PDLIM2: variants seen among roughly 807,000 people sequenced by gnomAD.
PDLIM2 encodes PDZ and LIM domain 2.
A neutral mutation model predicts 54.1 loss-of-function variants in PDLIM2; 51 were observed. That is an observed-to-expected ratio of 0.94 (90% CI 0.75 to 1.19). PDLIM2 has a LOEUF of 1.19. PDLIM2 is among the 50% of genes most tolerant of loss of function. The pLI is 0.00. For missense variants in PDLIM2, 912 were observed against 874.0 expected, an observed-to-expected ratio of 1.04 and a Z score of -0.55; for synonymous variants, 398 against 385.6, an observed-to-expected ratio of 1.03 and a Z score of -0.38.
At chr8:22,588,358 T>C (rs1800437709) in intron 6 of PDLIM2, 1 of 152,296 alleles carries the variant, frequency 6.6e-6, no homozygotes. Flanking sequence ...GGCTTCATAA[T>C]TCATCCATGA....
chr8:22,594,665 T>G, downstream of PDLIM2: 2 of 1,603,576 alleles, frequency 1.2e-6, no homozygotes, highest in South Asian at 2.2e-5. Context: ...CCTCTGATCC[T>G]GAGGACCGGC....
exon 7 of PDLIM2, chr8:22,589,356 C>T (rs1285105762): frequency 6.5e-7 from 1 of 1,534,948 alleles, no homozygotes; most frequent in South Asian, 1.2e-5. Flanking sequence ...TCCCCGGGCC[C>T]TCGTTCCTCC....
At chr8:22,584,575 C>T (rs944897203) in intron 3 of PDLIM2, among the ~76,000 whole-genome samples, 3 of 152,182 alleles carry the variant, frequency 2.0e-5, no homozygotes, top group East Asian at 1.9e-4. Flanking sequence ...CTTCCCAAAG[C>T]GTTGGGATGA....
At chr8:22,584,459 C>T (rs753086689) in intron 3 of PDLIM2, among the ~76,000 whole-genome samples, 38 of 152,190 alleles carry the variant, frequency 2.5e-4, no homozygotes, top group Non-Finnish European at 5.1e-4. Flanking sequence ...CCGGCATGCA[C>T]CACCATGTGC....
At chr8:22,593,795 A>G in exon 10 of PDLIM2, 1 of 1,605,710 alleles carries the variant, frequency 6.2e-7, no homozygotes, top group Non-Finnish European at 8.5e-7. Context: ...ACCTGTGCCG[A>G]CTGTGGGCTG....
chr8:22,581,702 G>A (rs1424101777), intron 3 of PDLIM2, among the ~76,000 whole-genome samples, 172 bp downstream of exon 2: 12 of 152,250 alleles, frequency 7.9e-5, no homozygotes, highest in Admixed American at 7.2e-4. Flanking sequence ...GCAGCAGGGT[G>A]GGCTGAGGGG....
At chr8:22,585,503 GC>G in intron 6 of PDLIM2, 104 bp downstream of exon 5, 1 of 1,145,744 alleles carries the variant, frequency 8.7e-7, no homozygotes, top group Non-Finnish European at 1.3e-6. Flanking sequence ...CACCTGGGCA[GC>G]CATGGCCTCC....
At chr8:22,587,374 A>C (rs914309724) in intron 6 of PDLIM2, among the ~76,000 whole-genome samples, 2 of 152,164 alleles carry the variant, frequency 1.3e-5, no homozygotes, top group Non-Finnish European at 2.9e-5. Flanking sequence ...CTCTTTAAAA[A>C]AAATCGCTTA....
intron 3 of PDLIM2, among the ~76,000 whole-genome samples, 197 bp downstream of exon 2, chr8:22,581,727 G>A (rs917005446): frequency 1.7e-4 from 26 of 152,238 alleles, no homozygotes; most frequent in African/African-American, 5.5e-4. Context: ...CCCATGCCTG[G>A]TTGGGTAAAG....
exon 2 of PDLIM2, chr8:22,580,626 G>A (rs763288213): frequency 2.5e-5 from 41 of 1,613,936 alleles, no homozygotes; most frequent in Non-Finnish European, 3.3e-5. Context: ...GGTGGATGTG[G>A]CCGGGCCAGC....
intron 9 of PDLIM2, chr8:22,593,123 C>G (rs1800599693): frequency 6.6e-6 from 1 of 152,472 alleles, no homozygotes; most frequent in Non-Finnish European, 1.5e-5. Flanking sequence ...ATCTGTCCAC[C>G]TGGGATCCTA....
exon 10 of PDLIM2, chr8:22,594,084 G>C: frequency 7.0e-7 from 1 of 1,432,336 alleles, no homozygotes; most frequent in Non-Finnish European, 9.1e-7. Context: ...GACTGTGGGA[G>C]ACTCACCCTC....
At chr8:22,584,465 T>C (rs1034777420) in intron 3 of PDLIM2, among the ~76,000 whole-genome samples, 3 of 152,068 alleles carry the variant, frequency 2.0e-5, no homozygotes, top group East Asian at 3.9e-4. Flanking sequence ...TGCACCACCA[T>C]GTGCAGCTAC....
At chr8:22,588,029 A>T (rs1273303021) in intron 6 of PDLIM2, 1 of 152,232 alleles carries the variant, frequency 6.6e-6, no homozygotes, top group Non-Finnish European at 1.5e-5. Flanking sequence ...GTCTGTCTGG[A>T]GATGTGATGT....
At chr8:22,594,039 C>A in exon 10 of PDLIM2, 10 of 1,452,408 alleles carry the variant, frequency 6.9e-6, no homozygotes, top group Non-Finnish European at 9.0e-6. Context: ...CCCCTTTGTC[C>A]TCGCTGGGTG....
chr8:22,591,423 G>A, intron 8 of PDLIM2, 128 bp from the exon 8 acceptor site: 3 of 791,894 alleles, frequency 3.8e-6, no homozygotes, highest in Non-Finnish European at 6.5e-6. Context: ...CTTACCTGGT[G>A]CCACTGTCAG....
At chr8:22,580,844 G>A (rs1800175108) in intron 2 of PDLIM2, 147 bp downstream of exon 1, 1 of 917,174 alleles carries the variant, frequency 1.1e-6, no homozygotes, top group East Asian at 2.7e-5. Flanking sequence ...AGGGAGCCGT[G>A]GCCCTTTGCC....
chr8:22,586,512 G>A (rs1031440723), intron 6 of PDLIM2, among the ~76,000 whole-genome samples: 13 of 152,140 alleles, frequency 8.5e-5, no homozygotes, highest in Non-Finnish European at 1.8e-4. Context: ...GTGGTGAGAG[G>A]GTTTAGGGAA....
chr8:22,593,941 T>TG (rs1476803887), exon 10 of PDLIM2: 1 of 1,541,908 alleles, frequency 6.5e-7, no homozygotes, highest in African/African-American at 1.4e-5. Flanking sequence ...GCCTCACTGC[T>TG]GGGCCAGGGT....
Sources: allele counts gnomAD v4.1 joint callset (sites outside exome capture counted in the v4.1 genomes callset), GRCh38; gene constraint gnomAD v4.1.1; transcripts MANE v1.5; gene names NCBI Gene and HGNC (gene_info 2026-07-23, HGNC 2026-07-21).